Variants in ANKRD11 observed in about 807,000 individuals in gnomAD.
The protein encoded by ANKRD11 is ankyrin repeat domain-containing protein 11.
ANKRD11 carries 17 observed loss-of-function variants against 195.7 expected under a neutral mutation model. The ratio of observed to expected loss-of-function variants is 0.09; its 90% CI spans 0.06 to 0.13. ANKRD11 has a LOEUF of 0.13. Ranked by LOEUF, ANKRD11 falls within the 10% of genes least tolerant of loss-of-function variation. ANKRD11 has a pLI of 1.00. For synonymous variants in ANKRD11, 1,953 were observed against 1,528.1 expected, an observed-to-expected ratio of 1.28 and a Z score of -6.49; for missense variants, 3,735 against 3,566.1, an observed-to-expected ratio of 1.05 and a Z score of -1.21.
chr16:89,278,397 G>A, intron 9 of ANKRD11: 2 of 405,130 alleles, frequency 4.9e-6, no homozygotes, highest in South Asian at 1.8e-5. Context: ...TGTGCTCAGA[G>A]CAGGGCCCCA....
At chr16:89,430,540 G>A (rs527877861) in intron 1 of ANKRD11, among the ~76,000 whole-genome samples, 4 of 151,896 alleles carry the variant, frequency 2.6e-5, no homozygotes, top group East Asian at 3.9e-4. Context: ...ACGCTCAGAC[G>A]TTCTAGTACA....
chr16:89,457,222 G>A (rs1323535374), intron 1 of ANKRD11, among the ~76,000 whole-genome samples: 1 of 151,020 alleles, frequency 6.6e-6, no homozygotes, highest in African/African-American at 2.4e-5. Flanking sequence ...GCCTCCCAAA[G>A]TGCTGGGATT....
intron 4 of ANKRD11, chr16:89,297,772 A>C (rs545918269): frequency 2.0e-5 from 3 of 152,242 alleles, no homozygotes; most frequent in Admixed American, 2.0e-4. Context: ...TTCTCCTTCC[A>C]ATCTCCAGGT....
chr16:89,374,408 T>A (rs1293584332), intron 2 of ANKRD11, among the ~76,000 whole-genome samples: 1 of 152,018 alleles, frequency 6.6e-6, no homozygotes, highest in East Asian at 1.9e-4. Flanking sequence ...CTGTTCTACA[T>A]GGGCAGAGCT....
rs772552969 is a variant in ANKRD11 at position 89,281,301 on chromosome 16, G to T, written c.5241C>A (p.Pro1747=). 2 of 1,614,056 alleles carry T rather than the reference G, an allele frequency of 1.2e-6. No homozygotes were observed. Among genetic ancestry groups the T allele is most frequent in the East Asian group, 2.2e-5 (1 of 44,896 alleles). ...AGGCGCTGGTGGGAGCGGTGGGCAC[G>T]GGCGTGGAGTGCTGCGAGTCGGCGC... ...FDCADSQHST[P]VPTAPTSACS... The change falls in exon 9 of 13, where the codon CCC becomes CCA. Residue 1747 remains proline (P), a synonymous_variant. Coordinates refer to ENST00000301030, the MANE Select transcript of ANKRD11 (RefSeq NM_013275.6). The surrounding 1 kb of genome is among the most constrained non-coding windows in gnomAD (Gnocchi z 5.5).
At chr16:89,347,305 T>C (rs2038987523) in intron 2 of ANKRD11, among the ~76,000 whole-genome samples, 1 of 152,158 alleles carries the variant, frequency 6.6e-6, no homozygotes, top group African/African-American at 2.4e-5. Flanking sequence ...CGTGAACATG[T>C]ACACATAAAA....
chr16:89,394,182 G>A (rs1488008816), intron 2 of ANKRD11, among the ~76,000 whole-genome samples: 1 of 151,624 alleles, frequency 6.6e-6, no homozygotes, highest in East Asian at 2.0e-4. Flanking sequence ...ACGGGCAGGT[G>A]GCAGGAGCCT....
chr16:89,286,489 G>A (rs1051309077), intron 7 of ANKRD11: 23 of 516,082 alleles, frequency 4.5e-5, no homozygotes, highest in African/African-American at 1.8e-4. Context: ...CTCCGTTGCC[G>A]CAAGTAGACG....
intron 4 of ANKRD11, among the ~76,000 whole-genome samples, chr16:89,297,250 T>A (rs879566798): frequency 5.3e-5 from 8 of 152,144 alleles, no homozygotes; most frequent in African/African-American, 1.9e-4. Flanking sequence ...CATAGGAAAA[T>A]GTGCAACTCC....
intron 1 of ANKRD11, among the ~76,000 whole-genome samples, chr16:89,471,680 G>C (rs2057088988): frequency 1.3e-5 from 2 of 150,780 alleles, no homozygotes; most frequent in Non-Finnish European, 1.5e-5. Context: ...AGCTACTTGG[G>C]AGGATGAGGA....
intron 1 of ANKRD11, among the ~76,000 whole-genome samples, chr16:89,460,442 C>A (rs1375120233): frequency 6.6e-6 from 1 of 152,028 alleles, no homozygotes; most frequent in East Asian, 1.9e-4. Flanking sequence ...GCCTGTAATC[C>A]CAGCTACTCA....
intron 1 of ANKRD11, among the ~76,000 whole-genome samples, chr16:89,441,732 ACTCCAG>A (rs1474594259): frequency 7.7e-6 from 1 of 130,630 alleles, no homozygotes; most frequent in Non-Finnish European, 1.5e-5. Flanking sequence ...GTGCCACTGC[ACTCCAG>A]CCTGGGCAAC....
chr16:89,483,240 C>T (rs2057500853), intron 1 of ANKRD11, among the ~76,000 whole-genome samples: 1 of 152,228 alleles, frequency 6.6e-6, no homozygotes, highest in Admixed American at 6.5e-5. Flanking sequence ...CCTCAACTCT[C>T]TAAAACTTCA....
Position 89,390,815 on chromosome 16 carries a change from C to T in ANKRD11, c.-60+27469G>A, listed in dbSNP as rs545872883. 8.5e-5 allele frequency among the ~76,000 whole-genome samples: 13 copies of T among 152,288 alleles called. No homozygotes were observed. In the South Asian group the frequency reaches 1.2e-3, roughly 15 times the overall value. On this transcript the variant is annotated intron_variant, in intron 2 of 12. Transcript: ENST00000301030. ...TGGGGAGGAGGTTCCTGGAGCTCTG[C>T]GCTGCTCCCCACATGCCCTGCCCTC... is the stretch of plus-strand genomic sequence containing the variant.
In ANKRD11 at chr16:89,311,847, GT is replaced by G. The variant is rs537585812; in HGVS notation, c.87+5085del. Among the ~76,000 whole-genome samples the G allele has an allele frequency of 4.6e-5, 7 of 152,300 alleles. No individual in the cohort carries two copies. In the South Asian group the frequency reaches 1.4e-3, roughly 32 times the overall value. On this transcript the variant is annotated intron_variant, in intron 3 of 12. Coordinates refer to ENST00000301030, the MANE Select transcript of ANKRD11 (RefSeq NM_013275.6). ...GGCTTTTTCTTTCTTAAAGTGGGAA[GT>G]TTTTGCTTTATTCTAATAATGAAAA...
intron 2 of ANKRD11, among the ~76,000 whole-genome samples, chr16:89,319,303 C>A (rs2037158984): frequency 6.6e-6 from 1 of 152,228 alleles, no homozygotes; most frequent in Non-Finnish European, 1.5e-5. Context: ...CTCTTCATGT[C>A]CCTAGCTTGG....
At chr16:89,452,115 A>T (rs1166471405) in intron 1 of ANKRD11, among the ~76,000 whole-genome samples, 1 of 151,842 alleles carries the variant, frequency 6.6e-6, no homozygotes, top group Non-Finnish European at 1.5e-5. Context: ...AAAATTAACC[A>T]GGCATGGTGG....
intron 2 of ANKRD11, among the ~76,000 whole-genome samples, chr16:89,332,735 G>T (rs2038132008): frequency 6.6e-6 from 1 of 152,184 alleles, no homozygotes; most frequent in Admixed American, 6.5e-5. Flanking sequence ...CCTCTCTGAG[G>T]AAAGTGCCCC....
In ANKRD11 at chr16:89,437,807, C is replaced by T. The variant is rs77597774; in HGVS notation, c.-144-19439G>A. Among the ~76,000 whole-genome samples the T allele has an allele frequency of 3.6e-3, 545 of 152,296 alleles. 4 individuals are homozygous for T. The highest frequency in any genetic ancestry group is 0.011 in the Admixed American group (175 of 15,294). On this transcript the variant is annotated intron_variant, in intron 1 of 12. Transcript: ENST00000301030. ...CTACTCCTAATGCCACTCCCAGCTC[C>T]AGCAACCCACCCTCCAGGGCACCTC...
Sources: gnomAD v4.1 joint callset for allele counts (sites outside exome capture counted in the v4.1 genomes callset) on GRCh38, gnomAD v4.1.1 for gene constraint, Gnocchi (gnomAD v3.1) non-coding constraint, MANE v1.5 for transcripts, NCBI Gene and HGNC (gene_info 2026-07-23, HGNC 2026-07-21) for gene names.